SLIT3: variants seen among roughly 807,000 people sequenced by gnomAD.
SLIT3 encodes slit homolog 3 protein.
SLIT3 carries 68 observed loss-of-function variants against 184.0 expected under a neutral mutation model. The observed-to-expected ratio is 0.37, with a 90% CI of 0.30 to 0.45. The LOEUF (loss-of-function observed/expected upper bound fraction) is 0.45. Among genes scored for constraint, SLIT3 ranks in the 20% least tolerant of loss-of-function variants. SLIT3 has a pLI of 1.00. For missense variants in SLIT3, 1,707 were observed against 2,026.0 expected (o/e 0.84, Z 3.02); for synonymous variants, 831 against 828.6 (o/e 1.00, Z -0.05).
At chr5:169,143,538 C>G (rs1017934960) in intron 4 of SLIT3, among the ~76,000 whole-genome samples, 2 of 152,258 alleles carry the variant, frequency 1.3e-5, no homozygotes, top group African/African-American at 4.8e-5. Flanking sequence ...GTGGCTCATA[C>G]CTGTAATCCC....
intron 4 of SLIT3, among the ~76,000 whole-genome samples, chr5:168,921,746 C>G (rs1761641745): frequency 6.6e-6 from 1 of 152,120 alleles, no homozygotes; most frequent in South Asian, 2.1e-4. Flanking sequence ...CTTTGAGTAC[C>G]CAGAACTGAT....
At chr5:169,102,425 A>G (rs1711703141) in intron 4 of SLIT3, among the ~76,000 whole-genome samples, 1 of 152,224 alleles carries the variant, frequency 6.6e-6, no homozygotes, top group Non-Finnish European at 1.5e-5. Flanking sequence ...GAAGCCCTTC[A>G]TATAAAATGG....
At chr5:169,017,712 G>A (rs1316421480) in intron 4 of SLIT3, 3 of 152,200 alleles carry the variant, frequency 2.0e-5, no homozygotes, top group Non-Finnish European at 4.4e-5. Flanking sequence ...GGTGTCAAAA[G>A]GGGTGTAAAT....
chr5:168,801,199 G>A (rs1756754945), intron 9 of SLIT3, among the ~76,000 whole-genome samples: 1 of 152,124 alleles, frequency 6.6e-6, no homozygotes, highest in African/African-American at 2.4e-5. Flanking sequence ...CTCCTTCCAT[G>A]TGACAGTCCC....
intron 18 of SLIT3, among the ~76,000 whole-genome samples, chr5:168,751,059 G>A (rs1183147894): frequency 6.6e-6 from 1 of 151,992 alleles, no homozygotes; most frequent in African/African-American, 2.4e-5. Context: ...GGGGGAGGGA[G>A]GCTGGGGGAG....
At chr5:169,270,516 C>T (rs948188897) in intron 1 of SLIT3, among the ~76,000 whole-genome samples, 3 of 152,016 alleles carry the variant, frequency 2.0e-5, no homozygotes, top group Non-Finnish European at 4.4e-5. Flanking sequence ...GGAACCAAGC[C>T]GCACTGATCC....
At chr5:168,841,904 G>A (rs543408015) in intron 6 of SLIT3, among the ~76,000 whole-genome samples, 78 of 152,294 alleles carry the variant, frequency 5.1e-4, no homozygotes, top group Non-Finnish European at 9.3e-4. Context: ...TTAATTTGCA[G>A]ACTTTTAAGC....
chr5:168,947,354 TG>T (rs1334820267), intron 4 of SLIT3, among the ~76,000 whole-genome samples: 1 of 152,158 alleles, frequency 6.6e-6, no homozygotes, highest in Non-Finnish European at 1.5e-5. Context: ...GGATGTTCCC[TG>T]GGTCCCTCGG....
At chr5:168,856,806 T>TGTGC (rs374432432) in intron 5 of SLIT3, among the ~76,000 whole-genome samples, 5,133 of 137,576 alleles carry the variant, frequency 0.037, 114 homozygotes, top group Admixed American at 0.059. Context: ...TGTGTGTGTG[T>TGTGC]GCGCGCGCGC....
intron 23 of SLIT3, chr5:168,718,123 T>C (rs1762805409): frequency 6.7e-6 from 1 of 150,224 alleles, no homozygotes; most frequent in South Asian, 2.1e-4. Context: ...AGTCACCTTC[T>C]GGCTCAGCAG....
chr5:169,020,678 T>C (rs1432408751), intron 4 of SLIT3, among the ~76,000 whole-genome samples: 5 of 152,186 alleles, frequency 3.3e-5, no homozygotes, highest in Non-Finnish European at 7.4e-5. Context: ...AGTTAAGGAA[T>C]GAAATCTTCT....
chr5:168,881,101 C>T (rs1269430404), intron 5 of SLIT3, among the ~76,000 whole-genome samples: 8 of 152,148 alleles, frequency 5.3e-5, no homozygotes, highest in Admixed American at 3.9e-4. Flanking sequence ...ACTCCCCTTT[C>T]CTTCTTCCCC....
intron 20 of SLIT3, among the ~76,000 whole-genome samples, chr5:168,726,469 A>G (rs1228412027): frequency 3.1e-5 from 1 of 31,776 alleles, no homozygotes; most frequent in Non-Finnish European, 6.0e-5. Flanking sequence ...AGGGAGGGAG[A>G]GGGAGGGAGG....
At chr5:168,677,899 G>A (rs1761462382) in intron 32 of SLIT3, among the ~76,000 whole-genome samples, 1 of 152,166 alleles carries the variant, frequency 6.6e-6, no homozygotes, top group Non-Finnish European at 1.5e-5. Flanking sequence ...GTGGGCCCTG[G>A]AAGAACCTGC....
At chr5:169,290,096 C>T (rs755807624) in intron 1 of SLIT3, among the ~76,000 whole-genome samples, 24 of 151,414 alleles carry the variant, frequency 1.6e-4, no homozygotes, top group Middle Eastern at 3.3e-3. Flanking sequence ...CTAGGGCATA[C>T]GCCAGGGCAC....
intron 1 of SLIT3, among the ~76,000 whole-genome samples, chr5:169,279,419 A>T (rs536619653): frequency 6.6e-6 from 1 of 152,134 alleles, no homozygotes; most frequent in South Asian, 2.1e-4. Context: ...TTTACGGAGG[A>T]GGAAACCTGA....
chr5:168,881,252 A>G (rs1158011581), intron 5 of SLIT3, among the ~76,000 whole-genome samples: 1 of 152,178 alleles, frequency 6.6e-6, no homozygotes, highest in African/African-American at 2.4e-5. Context: ...GGGTTTGTAG[A>G]ATCTTGAACC....
intron 4 of SLIT3, among the ~76,000 whole-genome samples, chr5:169,077,820 A>T (rs1758805200): frequency 6.6e-6 from 1 of 151,700 alleles, no homozygotes; most frequent in Admixed American, 6.6e-5. Context: ...TTCCAGAATA[A>T]ATGTCCACAA....
chr5:168,837,054 G>A (rs1758074913), intron 6 of SLIT3, among the ~76,000 whole-genome samples: 1 of 152,166 alleles, frequency 6.6e-6, no homozygotes, highest in African/African-American at 2.4e-5. Flanking sequence ...CATGGAACCT[G>A]GAGTCTGGAT....
Sources: allele counts gnomAD v4.1 joint callset (sites outside exome capture counted in the v4.1 genomes callset), GRCh38; gene constraint gnomAD v4.1.1; transcripts MANE v1.5; gene names NCBI Gene and HGNC (gene_info 2026-07-23, HGNC 2026-07-21).